Variants in LYPD4 observed in about 807,000 individuals in gnomAD.
The protein encoded by LYPD4 is LY6/PLAUR domain containing 4.
In LYPD4, 20 loss-of-function variants were observed where a neutral mutation model predicts 18.2. That is an observed-to-expected ratio of 1.10 (90% CI 0.77 to 1.59). The LOEUF is 1.59. Ranked by LOEUF, LYPD4 falls within the 40% of genes most tolerant of loss-of-function variation. The pLI, the probability that LYPD4 is intolerant of heterozygous loss-of-function variation, is 0.00. For synonymous variants in LYPD4, 111 were observed against 118.3 expected, an observed-to-expected ratio of 0.94 and a Z score of 0.40; for missense variants, 278 against 300.3, an observed-to-expected ratio of 0.93 and a Z score of 0.55.
At position 41,837,145 on chromosome 19, in the gene LYPD4, A is replaced by G. The variant is rs143131074; in HGVS notation, c.739T>C (p.Ter247ArgextTer?). ...VLGLLFAFRD* is the reference protein window; with the variant it reads ...VLGLLFAFRDR Reference sequence around the variant, plus strand: ...GCTTGTCGGGTGCAGCTAGATGGTCAGTCCCTGAAGGCAAACAGGAGGCCT... The same window carrying G: ...GCTTGTCGGGTGCAGCTAGATGGTCGGTCCCTGAAGGCAAACAGGAGGCCT... The change falls in exon 5 of 5, where the codon TGA becomes CGA. Residue 247 changes from the stop codon to arginine, a stop_lost. Coordinates refer to ENST00000609812, the MANE Select transcript of LYPD4 (RefSeq NM_173506.7). 2.4e-5 allele frequency: 38 copies of G among 1,613,908 alleles called. No individual in the cohort carries two copies. In the African/African-American group the frequency reaches 4.7e-4, roughly 20 times the overall value.
At chr19:41,841,458 G>A (rs1555833391) in intron 1 of LYPD4, among the ~76,000 whole-genome samples, 4 of 151,922 alleles carry the variant, frequency 2.6e-5, no homozygotes, top group Non-Finnish European at 5.9e-5. Flanking sequence ...ACAAGGTCAG[G>A]AGTTCGCGAC....
chr19:41,842,764 C>CAAAAAAAAAAAAAAAAAAAAAAAAAAAA (rs782233081), intron 1 of LYPD4, among the ~76,000 whole-genome samples: 2 of 49,794 alleles, frequency 4.0e-5, no homozygotes, highest in Non-Finnish European at 3.2e-5. Flanking sequence ...TCCGTCTAAA[C>CAAAAAAAAAAAAAAAAAAAAAAAAAAAA]AAAAAAAAAA....
chr19:41,840,631 G>A (rs2073552890), intron 1 of LYPD4, among the ~76,000 whole-genome samples: 1 of 151,856 alleles, frequency 6.6e-6, no homozygotes, highest in South Asian at 2.1e-4. Context: ...AGGAGATCAA[G>A]ACCATCCTGG....
Position 41,839,363 on chromosome 19 carries a change from C to G in LYPD4, c.-78G>C. 4.4e-6 allele frequency: 6 copies of G among 1,359,026 alleles called. No homozygotes were observed. The highest frequency in any genetic ancestry group is 6.3e-6 in the Non-Finnish European group (6 of 950,236). The allele number at this position is 1,359,026 out of a possible 1,614,324, so 84.2% of individuals were successfully genotyped here. A position where few individuals can be genotyped will look rare whatever the true frequency, so the allele number is the denominator to read the frequency against. On this transcript the variant is annotated 5_prime_UTR_variant, in exon 2 of 5. Transcript: ENST00000609812. Reference sequence around the variant, plus strand: ...TCTGGATCCCAAGCTCAGTTCCCATCAGTCCCCGAATTCTTTGTCCACCTG... The same window carrying G: ...TCTGGATCCCAAGCTCAGTTCCCATGAGTCCCCGAATTCTTTGTCCACCTG...
At chr19:41,837,913 A>C (rs1555831008) in intron 4 of LYPD4, 22 bp downstream of exon 4, 2 of 1,574,402 alleles carry the variant, frequency 1.3e-6, no homozygotes, top group Admixed American at 1.8e-5. Flanking sequence ...GCATTTGATA[A>C]ACAATATTCC....
At chr19:41,840,448 C>T (rs569436452) in intron 1 of LYPD4, among the ~76,000 whole-genome samples, 1 of 152,306 alleles carries the variant, frequency 6.6e-6, no homozygotes, top group Non-Finnish European at 1.5e-5. Flanking sequence ...GATGCCCCTA[C>T]AGGGAAACTG....
chr19:41,838,985 CT>C lies in LYPD4; in HGVS notation c.106del (p.Arg36AspfsTer14). 6.2e-7 allele frequency: 1 copy of C among 1,613,922 alleles called. No individual in the cohort carries two copies. Among genetic ancestry groups the C allele is most frequent in the Non-Finnish European group, 8.5e-7 (1 of 1,179,996 alleles). On this transcript the variant is annotated frameshift_variant, in exon 3 of 5. Transcript: ENST00000609812. LOFTEE classifies it high-confidence loss of function. ...GTTATGGAAAGCAACAGCTCTGAAT[CT>C]TGAGGCTGTTGCTTCATAGCACAAA... ...ALLCYEATASRFRAVAFHNWK... is the reference protein window; with the variant it reads ...ALLCYEATASXFRAVAFHNWK...
At chr19:41,841,234 C>G (rs1555833309) in intron 1 of LYPD4, among the ~76,000 whole-genome samples, 1 of 151,880 alleles carries the variant, frequency 6.6e-6, no homozygotes, top group African/African-American at 2.4e-5. Flanking sequence ...GAGTTCAAGA[C>G]CAGCCTGGGC....
At chr19:41,842,500 G>A (rs1555833788) in intron 1 of LYPD4, among the ~76,000 whole-genome samples, 1 of 151,896 alleles carries the variant, frequency 6.6e-6, no homozygotes, top group African/African-American at 2.4e-5. Context: ...GCTCACGCCT[G>A]TAATCCCAGC....
chr19:41,836,928 A>G (rs887191206), downstream of LYPD4: 2 of 873,080 alleles, frequency 2.3e-6, no homozygotes, highest in Non-Finnish European at 3.3e-6. Flanking sequence ...GGAAGGAGAA[A>G]AGGAATATTT....
Position 41,838,952 on chromosome 19 carries a change from C to T in LYPD4, c.140G>A (p.Trp47Ter), listed in dbSNP as rs1340777628. Reference protein sequence around the residue: ...FRAVAFHNWKWLLMRNMVCKL... With the variant: ...FRAVAFHNWK ...ACACACCATGTTCCTCATCAGAAGC[C>T]ACTTCCAGTTATGGAAAGCAACAGC... is the stretch of plus-strand genomic sequence containing the variant. Residue 47 changes from tryptophan to a stop codon, truncating the protein, a stop_gained, in exon 3 of 5, where the codon TGG becomes TAG. Coordinates refer to ENST00000609812, the MANE Select transcript of LYPD4 (RefSeq NM_173506.7). LOFTEE classifies it high-confidence loss of function. 1.9e-6 allele frequency: 3 copies of T among 1,613,844 alleles called. No homozygotes were observed. Among genetic ancestry groups the T allele is most frequent in the South Asian group, 2.2e-5 (2 of 91,084 alleles).
In LYPD4 at chr19:41,838,115, T is replaced by C; in HGVS notation, c.358A>G (p.Asn120Asp). 1 of 1,613,808 alleles carries C rather than the reference T, an allele frequency of 6.2e-7. No homozygotes were observed. The highest frequency in any genetic ancestry group is 8.5e-7 in the Non-Finnish European group (1 of 1,179,898). Reference protein sequence around the residue: ...CRSYLCNNLTNLEPFVKLKAS... With the variant: ...CRSYLCNNLTDLEPFVKLKAS... ...TTGAGTTTCACAAAAGGCTCCAAAT[T>C]GGTGAGGTTGTTGCAGAGATAAGAC... The change falls in exon 4 of 5, where the codon AAT (asparagine) becomes GAT (aspartate). Residue 120 changes from asparagine to aspartate, a missense_variant. Coordinates refer to ENST00000609812, the MANE Select transcript of LYPD4 (RefSeq NM_173506.7).
chr19:41,843,267 C>T (rs1194021587), intron 1 of LYPD4, among the ~76,000 whole-genome samples: 1 of 151,918 alleles, frequency 6.6e-6, no homozygotes, highest in East Asian at 1.9e-4. Context: ...AGGTTGGAAT[C>T]TTTACCCCTT....
intron 1 of LYPD4, among the ~76,000 whole-genome samples, chr19:41,840,078 A>G (rs2073528842): frequency 6.6e-6 from 1 of 152,066 alleles, no homozygotes; most frequent in East Asian, 1.9e-4. Context: ...TTAGAACTGA[A>G]TAATAATAAA....
Position 41,838,144 on chromosome 19 carries a change from C to G in LYPD4, c.329G>C (p.Cys110Ser). 1 of 1,612,988 alleles carries G rather than the reference C, an allele frequency of 6.2e-7. No homozygotes were observed. The highest frequency in any genetic ancestry group is 1.1e-5 in the South Asian group (1 of 90,984). ...GVSIASYSRV[C>S]RSYLCNNLTN... is the part of the protein sequence containing the mutation. Reference sequence around the variant, plus strand: ...GAGGTTGTTGCAGAGATAAGACCGGCAGACGCGACTGTAGGAGGCAATGGA... The same window carrying G: ...GAGGTTGTTGCAGAGATAAGACCGGGAGACGCGACTGTAGGAGGCAATGGA... The change falls in exon 4 of 5, where the codon TGC (cysteine) becomes TCC (serine). Residue 110 changes from cysteine (C) to serine (S), a missense_variant. Coordinates refer to ENST00000609812, the MANE Select transcript of LYPD4 (RefSeq NM_173506.7).
intron 1 of LYPD4, among the ~76,000 whole-genome samples, chr19:41,840,382 G>A (rs1555832996): frequency 6.6e-6 from 1 of 152,196 alleles, no homozygotes; most frequent in East Asian, 1.9e-4. Flanking sequence ...AGCTATGACT[G>A]TACAAACAGT....
At chr19:41,839,490 T>C (rs1360356835) in intron 1 of LYPD4, 85 bp from the exon 2 acceptor site, 1 of 599,574 alleles carries the variant, frequency 1.7e-6, no homozygotes, top group Admixed American at 3.0e-5. Flanking sequence ...ATCTCCACTG[T>C]CTGCCCTCCA....
intron 1 of LYPD4, among the ~76,000 whole-genome samples, chr19:41,840,449 A>C (rs2073546146): frequency 6.6e-6 from 1 of 152,208 alleles, no homozygotes; most frequent in Non-Finnish European, 1.5e-5. Context: ...ATGCCCCTAC[A>C]GGGAAACTGG....
rs1555830689 is a variant in LYPD4 at position 41,837,221 on chromosome 19, C to A, written c.663G>T (p.Gln221His). 6.2e-7 allele frequency: 1 copy of A among 1,614,112 alleles called. No individual in the cohort carries two copies. Among genetic ancestry groups the A allele is most frequent in the East Asian group, 2.2e-5 (1 of 44,882 alleles). ...GCCTGGAGGATGCTGCACCAACAAT[C>A]TGAGACTTCTCTAAGATGTTGAGGA... ...TEVLNILEKSQIVGAASSRQD... is the reference protein window; with the variant it reads ...TEVLNILEKSHIVGAASSRQD... The change falls in exon 5 of 5, where the codon CAG becomes CAT. Residue 221 changes from glutamine (Q) to histidine (H), a missense_variant. Coordinates refer to ENST00000609812, the MANE Select transcript of LYPD4 (RefSeq NM_173506.7).
Sources: gnomAD v4.1 joint callset for allele counts (sites outside exome capture counted in the v4.1 genomes callset) on GRCh38, gnomAD v4.1.1 for gene constraint, MANE v1.5 for transcripts, NCBI Gene and HGNC (gene_info 2026-07-23, HGNC 2026-07-21) for gene names.